Variants in FRMPD1 observed in about 807,000 individuals in gnomAD.
FRMPD1 encodes the protein FERM and PDZ domain-containing protein 1.
Under a neutral mutation model 117.8 loss-of-function variants are expected in FRMPD1, and 76 were observed. That is an observed-to-expected ratio of 0.65 (90% CI 0.54 to 0.78). The LOEUF is 0.78. Ranked by LOEUF, FRMPD1 falls within the 30% of genes least tolerant of loss-of-function variation. The pLI is 0.00. For synonymous variants in FRMPD1, 783 were observed against 770.4 expected (o/e 1.02, Z -0.27); for missense variants, 1,786 against 1,964.5 (o/e 0.91, Z 1.72).
chr9:37,739,006 G>A (rs1213344363), intron 14 of FRMPD1, among the ~76,000 whole-genome samples: 4 of 152,140 alleles, frequency 2.6e-5, no homozygotes. Flanking sequence ...TGCAAGAGGG[G>A]AAAAGGGAGA....
rs867386095 is a variant in FRMPD1, at chr9:37,724,224, G to C, written c.517-1G>C. On this transcript the variant is annotated splice_acceptor_variant, in intron 6 of 15. Transcript: ENST00000377765. LOFTEE classifies it high-confidence loss of function. ...TACAACAATACTCTTGTGTTTTCCA[G>C]GGTAATTCTCTGCTGTGTATGCCCA... 1.3e-6 allele frequency: 2 copies of C among 1,510,512 alleles called. No homozygotes were observed. Among genetic ancestry groups the C allele is most frequent in the Middle Eastern group, 1.7e-4 (1 of 5,886 alleles). The allele number at this position is 1,510,512 out of a possible 1,614,324, so 93.6% of individuals were successfully genotyped here.
At chr9:37,706,371 T>C (rs1822705365) in intron 2 of FRMPD1, among the ~76,000 whole-genome samples, 1 of 152,184 alleles carries the variant, frequency 6.6e-6, no homozygotes, top group African/African-American at 2.4e-5. Flanking sequence ...TGAGGGCCTA[T>C]TGCATTAGGC....
chr9:37,696,059 T>TC (rs1822312561), intron 2 of FRMPD1, among the ~76,000 whole-genome samples: 5 of 133,130 alleles, frequency 3.8e-5, no homozygotes, highest in Non-Finnish European at 8.2e-5. Context: ...TGCTTTTTTT[T>TC]TTTTTTTTTT....
rs536403553 is a variant in FRMPD1, at chr9:37,710,310, G to A, written c.363-1040G>A. 7.0e-4 allele frequency among the ~76,000 whole-genome samples: 107 copies of A among 152,310 alleles called. 1 individual carries two copies. The highest frequency in any genetic ancestry group is 1.2e-3 in the Non-Finnish European group (81 of 68,024). On this transcript the variant is annotated intron_variant, in intron 4 of 15. Coordinates refer to ENST00000377765, the MANE Select transcript of FRMPD1 (RefSeq NM_014907.3). Reference sequence around the variant, plus strand: ...AGCAATTGGCCTAAATGTTCATATTGCAAGAAGTCAAATGAAATTATTTTG... The same window carrying A: ...AGCAATTGGCCTAAATGTTCATATTACAAGAAGTCAAATGAAATTATTTTG...
the FRMPD1 span, among the ~76,000 whole-genome samples, chr9:37,645,935 T>C: frequency 1.3e-5 from 2 of 152,312 alleles, no homozygotes; most frequent in South Asian, 2.1e-4. Flanking sequence ...TGTCATCAGG[T>C]ATCATTGCCT....
chr9:37,609,765 C>CAG, the FRMPD1 span, among the ~76,000 whole-genome samples: 22,731 of 152,180 alleles, frequency 0.15, 2,132 homozygotes, highest in Admixed American at 0.21. Context: ...AAAGGCTCCA[C>CAG]GGGCCCGTGT....
chr9:37,613,620 C>G, the FRMPD1 span, among the ~76,000 whole-genome samples: 1 of 152,168 alleles, frequency 6.6e-6, no homozygotes, highest in East Asian at 1.9e-4. Flanking sequence ...GGGTAGTCAA[C>G]CATGGACTGA....
intron 2 of FRMPD1, among the ~76,000 whole-genome samples, chr9:37,693,737 C>A (rs1822228017): frequency 6.6e-6 from 1 of 152,194 alleles, no homozygotes; most frequent in African/African-American, 2.4e-5. Flanking sequence ...ACAGTATGCT[C>A]CAGCTAAAGG....
In FRMPD1 at chr9:37,746,818, T is replaced by A; in HGVS notation, c.*49T>A. 7.7e-7 allele frequency: 1 copy of A among 1,304,214 alleles called. No individual in the cohort carries two copies. Among genetic ancestry groups the A allele is most frequent in the African/African-American group, 1.5e-5 (1 of 68,696 alleles). 80.8% of individuals were successfully genotyped at this position (1,304,214 alleles called of 1,614,324 possible). A position where few individuals can be genotyped will look rare whatever the true frequency, so the allele number is the denominator to read the frequency against. ...CCTGCCCTGTCCTGCCTTGGACACTTCCCTGAGAAGCCCCTTCCACTCTCC... is the reference window on the plus strand; with the variant it reads ...CCTGCCCTGTCCTGCCTTGGACACTACCCTGAGAAGCCCCTTCCACTCTCC... On this transcript the variant is annotated 3_prime_UTR_variant, in exon 16 of 16. Coordinates refer to ENST00000377765, the MANE Select transcript of FRMPD1 (RefSeq NM_014907.3).
chr9:37,630,701 T>A, the FRMPD1 span, among the ~76,000 whole-genome samples: 1 of 152,154 alleles, frequency 6.6e-6, no homozygotes, highest in African/African-American at 2.4e-5. Flanking sequence ...TTTTCAGAAG[T>A]CTAAAACTTT....
At chr9:37,637,143 C>A in the FRMPD1 span, 10 of 1,609,198 alleles carry the variant, frequency 6.2e-6, no homozygotes, top group South Asian at 1.1e-4. Flanking sequence ...CCATCCAGCT[C>A]GATGGTTTGG....
the FRMPD1 span, among the ~76,000 whole-genome samples, chr9:37,610,822 G>T: frequency 6.6e-6 from 1 of 151,904 alleles, no homozygotes; most frequent in African/African-American, 2.4e-5. Flanking sequence ...GACTGGTCTC[G>T]AACTCCCAAC....
At chr9:37,737,309 C>T in intron 14 of FRMPD1, 66 bp downstream of exon 14, 2 of 1,459,456 alleles carry the variant, frequency 1.4e-6, no homozygotes, top group Non-Finnish European at 1.9e-6. Context: ...GTAAGGGCAG[C>T]CTAAAGGGAG....
At chr9:37,622,323 A>G in the FRMPD1 span, among the ~76,000 whole-genome samples, 771 of 152,328 alleles carry the variant, frequency 5.1e-3, 24 homozygotes, top group East Asian at 0.1. Flanking sequence ...AATAGCCGCA[A>G]TGAATTACCA....
At chr9:37,606,676 A>G in the FRMPD1 span, among the ~76,000 whole-genome samples, 1 of 152,248 alleles carries the variant, frequency 6.6e-6, no homozygotes, top group Non-Finnish European at 1.5e-5. Context: ...AATAGAAAAC[A>G]AAAAAGATTC....
the FRMPD1 span, among the ~76,000 whole-genome samples, chr9:37,644,670 A>G: frequency 3.9e-5 from 6 of 152,158 alleles, no homozygotes; most frequent in Non-Finnish European, 5.9e-5. Flanking sequence ...AGTTTCCCAA[A>G]TAAACCTGAA....
chr9:37,705,171 T>C (rs1822659281), intron 2 of FRMPD1, among the ~76,000 whole-genome samples: 1 of 152,164 alleles, frequency 6.6e-6, no homozygotes, highest in African/African-American at 2.4e-5. Flanking sequence ...ATTTTCTTTG[T>C]TCATCATTTT....
At chr9:37,672,430 C>A (rs1235407662) in intron 1 of FRMPD1, among the ~76,000 whole-genome samples, 1 of 152,106 alleles carries the variant, frequency 6.6e-6, no homozygotes, top group Admixed American at 6.6e-5. Flanking sequence ...CCTTGAAGTC[C>A]TGTAAATAAT....
chr9:37,707,709 T>C (rs1395492821), intron 3 of FRMPD1, 136 bp downstream of exon 3: 6 of 727,216 alleles, frequency 8.3e-6, no homozygotes, highest in Non-Finnish European at 1.1e-5. Context: ...CACCTAATTC[T>C]GTCTTGGGCT....
Sources: allele counts gnomAD v4.1 joint callset (sites outside exome capture counted in the v4.1 genomes callset), GRCh38; gene constraint gnomAD v4.1.1; transcripts MANE v1.5; gene names NCBI Gene and HGNC (gene_info 2026-07-23, HGNC 2026-07-21).